The following SETDB2 variants were observed in gnomAD, a reference collection of about 807,000 sequenced individuals.
SETDB2 encodes the protein SET domain bifurcated histone lysine methyltransferase 2, also known as histone-lysine N-methyltransferase SETDB2.
Under a neutral mutation model 82.5 loss-of-function variants are expected in SETDB2, and 56 were observed. That is an observed-to-expected ratio of 0.68 (90% CI 0.55 to 0.85). The LOEUF (loss-of-function observed/expected upper bound fraction) is 0.85. Ranked by LOEUF, SETDB2 falls within the 40% of genes least tolerant of loss-of-function variation. The pLI is 0.00. For synonymous variants in SETDB2, 272 were observed against 284.9 expected (o/e 0.95, Z 0.46); for missense variants, 677 against 816.4 (o/e 0.83, Z 2.08).
chr13:49,464,427 T>C lies in SETDB2; in HGVS notation c.208+3265T>C, dbSNP rs373645729. On this transcript the variant is annotated intron_variant, in intron 4 of 13. Transcript: ENST00000611815. The stretch of plus-strand genomic sequence containing the variant: ...CATCTGGACAATCCTTAAGGGATTA[T>C]ATTTAGTTTTGCAAGAGAGAGGCTT... 7.2e-5 allele frequency among the ~76,000 whole-genome samples: 11 copies of C among 152,324 alleles called. No individual in the cohort carries two copies. The East Asian group carries it at 9.6e-4, about 13-fold the overall frequency.
Position 49,485,697 on chromosome 13 carries a change from T to G in SETDB2, c.1550T>G (p.Leu517Arg), listed in dbSNP as rs1594178362. 6.2e-7 allele frequency: 1 copy of G among 1,614,144 alleles called. No individual in the cohort carries two copies. The highest frequency in any genetic ancestry group is 2.2e-5 in the East Asian group (1 of 44,870). The change falls in exon 11 of 14, where the codon CTG becomes CGG. Residue 517 changes from leucine to arginine, a missense_variant. Coordinates refer to ENST00000611815, the MANE Select transcript of SETDB2 (RefSeq NM_001160308.3). ...GGATTTAAACCACCCCGAGAGCATC[T>G]GAACTCTAAAACCAAGGGAGCACAA... ...NDGFKPPREH[L>R]NSKTKGAQKD... is the part of the protein sequence containing the mutation.
chr13:49,447,934 G>A (rs1957722826), intron 1 of SETDB2, among the ~76,000 whole-genome samples: 1 of 150,694 alleles, frequency 6.6e-6, no homozygotes, highest in Admixed American at 6.6e-5. Flanking sequence ...TGAAAGTTTT[G>A]TACAATTCAT....
intron 4 of SETDB2, chr13:49,464,130 C>T (rs1388427997): frequency 1.9e-5 from 14 of 754,548 alleles, no homozygotes; most frequent in Non-Finnish European, 3.0e-5. Flanking sequence ...TGGAAGAACA[C>T]ATGACTTCAA....
chr13:49,470,475 C>A (rs890345652), intron 5 of SETDB2, among the ~76,000 whole-genome samples: 1 of 152,216 alleles, frequency 6.6e-6, no homozygotes, highest in Non-Finnish European at 1.5e-5. Context: ...ACCCTCTTAG[C>A]AGCCCAGTGG....
intron 12 of SETDB2, among the ~76,000 whole-genome samples, chr13:49,490,506 A>T (rs1240132391): frequency 6.6e-6 from 1 of 152,180 alleles, no homozygotes; most frequent in Admixed American, 6.5e-5. Context: ...TATACAGATG[A>T]ATCTGTGGAA....
At chr13:49,455,244 G>A (rs9568211) in intron 2 of SETDB2, among the ~76,000 whole-genome samples, 6,470 of 152,226 alleles carry the variant, frequency 0.043, 219 homozygotes, top group East Asian at 0.16. Flanking sequence ...AGAAGGAAGA[G>A]TATTTCAATA....
intron 1 of SETDB2, 22 bp from the exon 2 acceptor site, chr13:49,451,530 AT>A (rs1957787005): frequency 6.8e-6 from 1 of 147,932 alleles, no homozygotes; most frequent in South Asian, 2.1e-4. Context: ...AATATGCACT[AT>A]TCTTTATTGT....
chr13:49,481,144 T>C (rs2138962430), intron 8 of SETDB2, 28 bp downstream of exon 8: 1 of 1,600,486 alleles, frequency 6.2e-7, no homozygotes, highest in Non-Finnish European at 8.5e-7. Flanking sequence ...TTTCAAATTA[T>C]TCTAGAGTAG....
rs1958514502 is a variant in SETDB2 at position 49,483,245 on chromosome 13, A to G, written c.1383-219A>G. 2.0e-5 allele frequency among the ~76,000 whole-genome samples: 3 copies of G among 152,114 alleles called. 1 individual carries two copies. The highest frequency in any genetic ancestry group is 4.1e-4 in the South Asian group (2 of 4,834). ...TAAAATTTTCTATCATTTTATCTGC[A>G]AAGTTTTCATAGGTTCTCTTCCTTT... On this transcript the variant is annotated intron_variant, in intron 9 of 13. Transcript: ENST00000611815.
At chr13:49,471,168 G>C (rs1459701860) in intron 5 of SETDB2, among the ~76,000 whole-genome samples, 1 of 149,348 alleles carries the variant, frequency 6.7e-6, no homozygotes, top group Non-Finnish European at 1.5e-5. Context: ...GTAGCGATGT[G>C]GTCTCACTAT....
chr13:49,484,871 T>C (rs1387010404), intron 10 of SETDB2, among the ~76,000 whole-genome samples: 1 of 152,206 alleles, frequency 6.6e-6, no homozygotes, highest in Non-Finnish European at 1.5e-5. Context: ...TATGAAAAGA[T>C]TGGCCATGGT....
intron 8 of SETDB2, chr13:49,482,380 C>T (rs996234990): frequency 1.4e-5 from 13 of 936,466 alleles, no homozygotes; most frequent in Middle Eastern, 5.5e-4. Flanking sequence ...CAGATGATAA[C>T]GCCTTTTTAA....
At position 49,476,929 on chromosome 13, in the gene SETDB2, G is replaced by A. The variant is rs760193768; in HGVS notation, c.759G>A (p.Lys253=). ...TCTGTAATGAAATTGACAGTAGAAA[G>A]CTCCCACAGTTTAAGTACAGAAAGA... ...ISFCNEIDSR[K]LPQFKYRKTV... Residue 253 remains lysine (K), a synonymous_variant, in exon 6 of 14, where the codon AAG becomes AAA. Transcript: ENST00000611815. 8.1e-6 allele frequency: 13 copies of A among 1,614,164 alleles called. No individual in the cohort carries two copies. Among genetic ancestry groups the A allele is most frequent in the Middle Eastern group, 1.7e-4 (1 of 6,060 alleles).
chr13:49,494,372 G>A lies in SETDB2; in HGVS notation c.*2523G>A, dbSNP rs1227566639. The A allele has an allele frequency of 6.6e-6, 1 of 151,970 alleles. No homozygotes were observed. Among genetic ancestry groups the A allele is most frequent in the Non-Finnish European group, 1.5e-5 (1 of 68,014 alleles). The allele number at this position is 151,970 out of a possible 1,614,324, so 9.4% of individuals were successfully genotyped here. On this transcript the variant is annotated 3_prime_UTR_variant, in exon 14 of 14. Transcript: ENST00000611815. Reference sequence around the variant, plus strand: ...TTTCGGCATAATCTGTGTCCTCCAGGGTTTGTTTCTTTGTTTCCCCTGTAT... The same window carrying A: ...TTTCGGCATAATCTGTGTCCTCCAGAGTTTGTTTCTTTGTTTCCCCTGTAT...
chr13:49,488,576 G>A lies in SETDB2; in HGVS notation c.1863G>A (p.Gly621=). 6.2e-7 allele frequency: 1 copy of A among 1,610,762 alleles called. No homozygotes were observed. Among genetic ancestry groups the A allele is most frequent in the Non-Finnish European group, 8.5e-7 (1 of 1,178,936 alleles). Residue 621 remains glycine (G), a synonymous_variant, in exon 12 of 14, where the codon GGG becomes GGA. Transcript: ENST00000611815. ...ATTCTCTAACAAAGTTCAATAAAGG[G>A]AATGTGTTTTTATTGGATGCCACAA... ...SSDSLTKFNK[G]NVFLLDATKE...
chr13:49,483,385 A>C, intron 9 of SETDB2, 79 bp from the exon 10 acceptor site: 1 of 511,872 alleles, frequency 2.0e-6, no homozygotes, highest in Non-Finnish European at 3.4e-6. Flanking sequence ...TTTATGTAAT[A>C]ATGGATATTA....
rs1958722436 is a variant in SETDB2 at position 49,491,982 on chromosome 13, T to C, written c.*133T>C. The C allele has an allele frequency of 8.1e-6, 6 of 740,034 alleles. No homozygotes were observed. In the East Asian group the frequency reaches 1.5e-4, roughly 19 times the overall value. 45.8% of individuals were successfully genotyped at this position (740,034 alleles called of 1,614,324 possible). A position where few individuals can be genotyped will look rare whatever the true frequency, so the allele number is the denominator to read the frequency against. On this transcript the variant is annotated 3_prime_UTR_variant, in exon 14 of 14. Coordinates refer to ENST00000611815, the MANE Select transcript of SETDB2 (RefSeq NM_001160308.3). ...CATGGGGTTTATGTTTTATTTCAGATTTTATTTGTGTGACTTAGAAATTCC... is the reference window on the plus strand; with the variant it reads ...CATGGGGTTTATGTTTTATTTCAGACTTTATTTGTGTGACTTAGAAATTCC...
chr13:49,474,799 T>C (rs1958322468), intron 5 of SETDB2, among the ~76,000 whole-genome samples: 1 of 152,230 alleles, frequency 6.6e-6, no homozygotes, highest in Admixed American at 6.5e-5. Flanking sequence ...TGGTAGCCAC[T>C]AGCTGCATGT....
In SETDB2 at chr13:49,475,875, A is replaced by G. The variant is rs898338464; in HGVS notation, c.306-601A>G. Among the ~76,000 whole-genome samples the G allele has an allele frequency of 2.0e-5, 3 of 152,062 alleles. No homozygotes were observed. In the South Asian group the frequency reaches 6.2e-4, roughly 32 times the overall value. On this transcript the variant is annotated intron_variant, in intron 5 of 13. Transcript: ENST00000611815. ...AGATGTATCAATATGATTGTGAGGT[A>G]GATTACATATTATGGAAAGAATTAA...
Sources: allele counts gnomAD v4.1 joint callset (sites outside exome capture counted in the v4.1 genomes callset), GRCh38; gene constraint gnomAD v4.1.1; transcripts MANE v1.5; gene names NCBI Gene and HGNC (gene_info 2026-07-23, HGNC 2026-07-21).